Variants in ZRANB3 observed in about 807,000 individuals in gnomAD.
ZRANB3 encodes zinc finger RANBP2-type containing 3.
A neutral mutation model predicts 133.8 loss-of-function variants in ZRANB3; 125 were observed. The ratio of observed to expected loss-of-function variants is 0.93; its 90% CI spans 0.81 to 1.08. ZRANB3 has a LOEUF of 1.08. Among genes scored for constraint, ZRANB3 ranks in the 50% least tolerant of loss-of-function variants. The pLI, the probability that ZRANB3 is intolerant of heterozygous loss-of-function variation, is 0.00. For missense variants in ZRANB3, 1,229 were observed against 1,275.5 expected (o/e 0.96, Z 0.56); for synonymous variants, 387 against 432.7 (o/e 0.89, Z 1.31).
intron 3 of ZRANB3, among the ~76,000 whole-genome samples, chr2:135,356,466 G>A (rs1243377531): frequency 6.6e-6 from 1 of 151,888 alleles, no homozygotes; most frequent in African/African-American, 2.4e-5. Flanking sequence ...TTAGGTTGAC[G>A]ACAGGCGAAG....
At chr2:135,332,470 T>C (rs951851608) in intron 6 of ZRANB3, among the ~76,000 whole-genome samples, 1 of 152,190 alleles carries the variant, frequency 6.6e-6, no homozygotes, top group Non-Finnish European at 1.5e-5. Flanking sequence ...TTAAATATAG[T>C]AGGCAATCAA....
chr2:135,463,067 C>T (rs545028865), intron 2 of ZRANB3, among the ~76,000 whole-genome samples: 10 of 152,246 alleles, frequency 6.6e-5, no homozygotes, highest in Non-Finnish European at 1.3e-4. Context: ...ATGGCATGAG[C>T]CTGAAGTCCC....
chr2:135,332,614 T>C (rs1684199885), intron 6 of ZRANB3, among the ~76,000 whole-genome samples: 1 of 152,130 alleles, frequency 6.6e-6, no homozygotes, highest in African/African-American at 2.4e-5. Context: ...CTCACACTCA[T>C]TGTCTTCAAT....
intron 3 of ZRANB3, among the ~76,000 whole-genome samples, chr2:135,363,484 C>T (rs1033313846): frequency 4.6e-5 from 7 of 152,310 alleles, no homozygotes; most frequent in East Asian, 1.9e-4. Context: ...AATTTTTGTA[C>T]GTTTTAAATC....
chr2:135,225,730 G>T (rs1224392118), intron 14 of ZRANB3, among the ~76,000 whole-genome samples: 1 of 152,162 alleles, frequency 6.6e-6, no homozygotes, highest in African/African-American at 2.4e-5. Context: ...AAGTTATCAT[G>T]TATACCATAA....
chr2:135,322,075 T>A (rs1212083705), intron 6 of ZRANB3, among the ~76,000 whole-genome samples: 1 of 152,206 alleles, frequency 6.6e-6, no homozygotes, highest in African/African-American at 2.4e-5. Context: ...ATGGTTTGGG[T>A]TTCTTCTTTT....
At position 135,246,039 on chromosome 2, in the gene ZRANB3, CTTTTTTTTT is replaced by C. The variant is rs569950745; in HGVS notation, c.1540-15121_1540-15113del. Among the ~76,000 whole-genome samples, 4 of 100,428 alleles carry C rather than the reference CTTTTTTTTT, an allele frequency of 4.0e-5. No individual in the cohort carries two copies. The South Asian group carries it at 1.4e-3, about 34-fold the overall frequency. The allele number at this position is 100,428 out of a possible 152,430, so 65.9% of individuals were successfully genotyped here. On this transcript the variant is annotated intron_variant, in intron 12 of 20. Coordinates refer to ENST00000264159, the MANE Select transcript of ZRANB3 (RefSeq NM_032143.4). ...TTCTTTTCTTTTCTTTTCTTTCTTT[CTTTTTTTTT>C]TTTTTTTTGAGACAGAGTCTTGCTC...
rs113615884 is a variant in ZRANB3, at chr2:135,214,199, T to C, written c.2495+3266A>G. ...ACTTATAGAACTGTGAGATAATAAA[T>C]GTGTGTTGTTTTAAGCTGCTAAATT... On this transcript the variant is annotated intron_variant, in intron 17 of 20. Transcript: ENST00000264159. Among the ~76,000 whole-genome samples the C allele has an allele frequency of 3.0e-3, 451 of 152,310 alleles. 3 individuals carry two copies. Among genetic ancestry groups the C allele is most frequent in the African/African-American group, 0.01 (420 of 41,568 alleles).
rs747816082 is a variant in ZRANB3 at position 135,271,851 on chromosome 2, A to T, written c.1123T>A (p.Ser375Thr). The T allele has an allele frequency of 1.2e-6, 2 of 1,613,716 alleles. No individual in the cohort carries two copies. The highest frequency in any genetic ancestry group is 1.7e-6 in the Non-Finnish European group (2 of 1,179,790). The change falls in exon 10 of 21, where the codon TCA becomes ACA. Residue 375 changes from serine (S) to threonine (T), a missense_variant. By Grantham distance (58) the Ser-to-Thr change is moderately conservative. Coordinates refer to ENST00000264159, the MANE Select transcript of ZRANB3 (RefSeq NM_032143.4). ...YIRIDGSVSS[S>T]ERIHLVNQFQ... ...TGATTAACCAGATGTATTCTTTCTGAAGATGAAACACTTCCATCTATCCTA... is the reference window on the plus strand; with the variant it reads ...TGATTAACCAGATGTATTCTTTCTGTAGATGAAACACTTCCATCTATCCTA...
At chr2:135,324,021 G>A (rs547028980) in intron 6 of ZRANB3, among the ~76,000 whole-genome samples, 28 of 152,074 alleles carry the variant, frequency 1.8e-4, no homozygotes, top group Admixed American at 8.5e-4. Context: ...CGCCCACCTC[G>A]GCCTCCCAAA....
At chr2:135,261,820 C>G (rs1679978450) in intron 12 of ZRANB3, among the ~76,000 whole-genome samples, 1 of 152,004 alleles carries the variant, frequency 6.6e-6, no homozygotes, top group African/African-American at 2.4e-5. Context: ...GCTAGGATTT[C>G]TATTGACTTT....
intron 6 of ZRANB3, among the ~76,000 whole-genome samples, chr2:135,342,603 C>T (rs924751184): frequency 6.7e-6 from 1 of 149,226 alleles, no homozygotes; most frequent in Admixed American, 6.6e-5. Flanking sequence ...AGTCACTGTG[C>T]CCGTCTTTTT....
intron 2 of ZRANB3, among the ~76,000 whole-genome samples, chr2:135,460,634 A>C (rs961747084): frequency 6.6e-6 from 1 of 152,180 alleles, no homozygotes; most frequent in African/African-American, 2.4e-5. Context: ...TGTAATATTT[A>C]TAACTTGCTG....
At chr2:135,299,998 T>C (rs755455268) in intron 8 of ZRANB3, among the ~76,000 whole-genome samples, 3 of 152,146 alleles carry the variant, frequency 2.0e-5, no homozygotes, top group Non-Finnish European at 4.4e-5. Flanking sequence ...ACCCATTTGT[T>C]TGGAAGGCTT....
chr2:135,469,920 G>A (rs1034601339), intron 2 of ZRANB3, among the ~76,000 whole-genome samples: 2 of 151,810 alleles, frequency 1.3e-5, no homozygotes, highest in Non-Finnish European at 2.9e-5. Context: ...GCTGAGGCAG[G>A]GGAATGGCGT....
intron 6 of ZRANB3, among the ~76,000 whole-genome samples, chr2:135,344,589 T>C (rs1206438192): frequency 6.6e-6 from 1 of 151,910 alleles, no homozygotes; most frequent in Non-Finnish European, 1.5e-5. Context: ...TAACAAAAAT[T>C]AGCCGGGCAT....
At chr2:135,245,921 C>T (rs773136822) in intron 12 of ZRANB3, among the ~76,000 whole-genome samples, 5 of 35,228 alleles carry the variant, frequency 1.4e-4, no homozygotes, top group Non-Finnish European at 1.7e-4. Context: ...ATTGAAACTC[C>T]GTCTCAAAAA....
At chr2:135,242,009 A>G (rs1695573007) in intron 12 of ZRANB3, among the ~76,000 whole-genome samples, 1 of 152,044 alleles carries the variant, frequency 6.6e-6, no homozygotes, top group South Asian at 2.1e-4. Flanking sequence ...GTCAAACCCC[A>G]GCTCTACAAA....
intron 8 of ZRANB3, among the ~76,000 whole-genome samples, chr2:135,292,509 G>A (rs1681805309): frequency 6.6e-6 from 1 of 152,190 alleles, no homozygotes; most frequent in Non-Finnish European, 1.5e-5. Flanking sequence ...TTTGTCAGAT[G>A]AGTAGACTGC....
Sources: allele counts gnomAD v4.1 joint callset (sites outside exome capture counted in the v4.1 genomes callset), GRCh38; gene constraint gnomAD v4.1.1; transcripts MANE v1.5; gene names NCBI Gene and HGNC (gene_info 2026-07-23, HGNC 2026-07-21).